RPS6KA3: variants seen among roughly 807,000 people sequenced by gnomAD.
The protein encoded by RPS6KA3 is ribosomal protein S6 kinase A3.
RPS6KA3 carries 4 observed loss-of-function variants against 67.2 expected under a neutral mutation model. That is an observed-to-expected ratio of 0.06 (90% CI 0.03 to 0.14). The LOEUF (loss-of-function observed/expected upper bound fraction) is 0.14, where lower values mean the gene tolerates loss of function less well. Among genes scored for constraint, RPS6KA3 ranks in the 10% least tolerant of loss-of-function variants. RPS6KA3 has a pLI of 1.00. For synonymous variants in RPS6KA3, 182 were observed against 183.7 expected, an observed-to-expected ratio of 0.99 and a Z score of 0.07; for missense variants, 204 against 559.0, an observed-to-expected ratio of 0.36 and a Z score of 6.40.
At chrX:20,246,216 T>C (rs781396997) in intron 1 of RPS6KA3, among the ~76,000 whole-genome samples, 1 of 110,334 alleles carries the variant, frequency 9.1e-6, no homozygotes, top group South Asian at 3.9e-4. Context: ...CTTTGTTCTT[T>C]ATTATAGGTG....
intron 1 of RPS6KA3, among the ~76,000 whole-genome samples, chrX:20,256,506 G>A (rs1033814946): frequency 9.0e-5 from 10 of 111,587 alleles, no homozygotes; most frequent in Admixed American, 4.7e-4. Flanking sequence ...TGTCTAGGCA[G>A]GCCCCCCTTT....
chrX:20,176,958 C>G, intron 11 of RPS6KA3, 38 bp downstream of exon 11: 1 of 982,391 alleles, frequency 1.0e-6, no homozygotes, highest in East Asian at 3.0e-5. Context: ...CAAACACCAA[C>G]AAACATACAA....
chrX:20,223,738 C>T (rs974356581), intron 2 of RPS6KA3, among the ~76,000 whole-genome samples: 11 of 111,709 alleles, frequency 9.8e-5, no homozygotes, highest in African/African-American at 2.0e-4. Context: ...AAATCTCAGA[C>T]GTTATATCAT....
chrX:20,221,105 C>T lies in RPS6KA3; in HGVS notation c.127-11701G>A, dbSNP rs189527963. On this transcript the variant is annotated intron_variant, in intron 2 of 21. Transcript: ENST00000379565. Reference sequence around the variant, plus strand: ...TGTGAGCTCTTGAAGTCCTTTGGTACATCTCTTATGGTATTTATTACTGTT... The same window carrying T: ...TGTGAGCTCTTGAAGTCCTTTGGTATATCTCTTATGGTATTTATTACTGTT... 3.6e-5 allele frequency among the ~76,000 whole-genome samples: 4 copies of T among 111,793 alleles called. No individual in the cohort carries two copies. In the East Asian group the frequency reaches 1.1e-3, roughly 31 times the overall value.
intron 8 of RPS6KA3, 23 bp from the exon 9 acceptor site, chrX:20,187,993 T>A (rs1442464100): frequency 8.4e-7 from 1 of 1,186,550 alleles, no homozygotes; most frequent in East Asian, 3.0e-5. Context: ...ATATCATAAA[T>A]ATCCTACATA....
At chrX:20,225,031 G>A (rs893566588) in intron 2 of RPS6KA3, among the ~76,000 whole-genome samples, 1 of 111,184 alleles carries the variant, frequency 9.0e-6, no homozygotes, top group Non-Finnish European at 1.9e-5. Context: ...CTTTCCATAT[G>A]CCAGTATTTC....
intron 2 of RPS6KA3, chrX:20,218,669 C>T (rs2068916730): frequency 2.1e-6 from 1 of 471,638 alleles, no homozygotes; most frequent in African/African-American, 2.5e-5. Flanking sequence ...TTTAAAAGTT[C>T]TATCAAAACA....
chrX:20,216,457 C>G (rs773437989), intron 2 of RPS6KA3, among the ~76,000 whole-genome samples: 1 of 110,634 alleles, frequency 9.0e-6, no homozygotes, highest in Non-Finnish European at 1.9e-5. Flanking sequence ...TCAAATGGAC[C>G]AAAAACTTTG....
intron 20 of RPS6KA3, among the ~76,000 whole-genome samples, chrX:20,159,205 G>C (rs2067252470): frequency 8.9e-6 from 1 of 111,927 alleles, no homozygotes; most frequent in African/African-American, 3.2e-5. Flanking sequence ...TCTAATATAG[G>C]TCCTCATCAT....
chrX:20,225,651 T>C (rs972674502), intron 2 of RPS6KA3, among the ~76,000 whole-genome samples: 19 of 111,438 alleles, frequency 1.7e-4, no homozygotes, highest in African/African-American at 5.9e-4. Flanking sequence ...TCACTGCCTA[T>C]TGTCTACTCT....
At position 20,195,859 on chromosome X, in the gene RPS6KA3, T is replaced by C. The variant is rs1424562523; in HGVS notation, c.326-714A>G. Reference sequence around the variant, plus strand: ...ACAATGGGGATAACACTACTGTAGCTTTGAGGAGCATATGACCATTTGAGA... The same window carrying C: ...ACAATGGGGATAACACTACTGTAGCCTTGAGGAGCATATGACCATTTGAGA... On this transcript the variant is annotated intron_variant, in intron 4 of 21. Transcript: ENST00000379565. 2.7e-5 allele frequency among the ~76,000 whole-genome samples: 3 copies of C among 112,266 alleles called. No individual in the cohort carries two copies. In the Admixed American group the frequency reaches 2.8e-4, roughly 11 times the overall value.
At chrX:20,252,224 C>T (rs2069892561) in intron 1 of RPS6KA3, among the ~76,000 whole-genome samples, 1 of 111,734 alleles carries the variant, frequency 8.9e-6, no homozygotes, top group Non-Finnish European at 1.9e-5. Flanking sequence ...TGATTGCTCA[C>T]TGAGGCATTT....
intron 1 of RPS6KA3, among the ~76,000 whole-genome samples, chrX:20,260,457 A>T (rs1027777160): frequency 8.9e-6 from 1 of 111,743 alleles, no homozygotes; most frequent in East Asian, 2.8e-4. Context: ...ATTCTTCACA[A>T]TGTTGTTTTT....
intron 1 of RPS6KA3, among the ~76,000 whole-genome samples, chrX:20,260,131 A>C (rs1423869053): frequency 8.9e-6 from 1 of 111,783 alleles, no homozygotes; most frequent in African/African-American, 3.2e-5. Flanking sequence ...ATTCATCCTA[A>C]AATATAAAAA....
rs756691878 is a variant in RPS6KA3 at position 20,175,522 on chromosome X, T to C, written c.1103-234A>G. On this transcript the variant is annotated intron_variant, in intron 13 of 21. Transcript: ENST00000379565. ...CGGAGCCTAGAAAATAGCTAATTCA[T>C]TTGAAGACTATAATACATCGATGAA... Among the ~76,000 whole-genome samples, 6 of 111,746 alleles carry C rather than the reference T, an allele frequency of 5.4e-5. No homozygotes were observed. In the South Asian group the frequency reaches 2.2e-3, roughly 42 times the overall value.
At chrX:20,262,202 G>A (rs982234212) in intron 1 of RPS6KA3, among the ~76,000 whole-genome samples, 12 of 111,816 alleles carry the variant, frequency 1.1e-4, no homozygotes, top group African/African-American at 3.9e-4. Flanking sequence ...ACATGTCCCT[G>A]AGCATTGAAC....
At chrX:20,222,921 A>G (rs1176301279) in intron 2 of RPS6KA3, among the ~76,000 whole-genome samples, 2 of 111,959 alleles carry the variant, frequency 1.8e-5, no homozygotes, top group Non-Finnish European at 3.8e-5. Context: ...ACTTGGAGAT[A>G]CACTCACTAA....
intron 2 of RPS6KA3, among the ~76,000 whole-genome samples, chrX:20,216,590 G>A (rs1238193042): frequency 9.1e-6 from 1 of 110,337 alleles, no homozygotes; most frequent in South Asian, 3.9e-4. Flanking sequence ...GAAAGGGGGG[G>A]GTTGTAATTT....
chrX:20,184,759 A>G (rs1256068167), intron 10 of RPS6KA3, among the ~76,000 whole-genome samples: 1 of 111,321 alleles, frequency 9.0e-6, no homozygotes, highest in African/African-American at 3.3e-5. Flanking sequence ...TAAAAATGTT[A>G]TCTTTACAAC....
Sources: gnomAD v4.1 joint callset for allele counts (sites outside exome capture counted in the v4.1 genomes callset) on GRCh38, gnomAD v4.1.1 for gene constraint, MANE v1.5 for transcripts, NCBI Gene and HGNC (gene_info 2026-07-23, HGNC 2026-07-21) for gene names.